Variants in PI4KA observed in about 807,000 individuals in gnomAD.
The protein encoded by PI4KA is PI4-kinase alpha.
Under a neutral mutation model 271.4 loss-of-function variants are expected in PI4KA, and 122 were observed. The ratio of observed to expected loss-of-function variants is 0.45; its 90% confidence interval spans 0.39 to 0.52. PI4KA has a LOEUF of 0.52. Among genes scored for constraint, PI4KA ranks in the 20% least tolerant of loss-of-function variants. The pLI is 0.00. For synonymous variants in PI4KA, 1,041 were observed against 1,078.8 expected, an observed-to-expected ratio of 0.96 and a Z score of 0.69; for missense variants, 1,969 against 2,769.1, an observed-to-expected ratio of 0.71 and a Z score of 6.48.
chr22:20,811,156 A>G, intron 8 of PI4KA, 124 bp from the exon 9 acceptor site: 1 of 744,258 alleles, frequency 1.3e-6, no homozygotes, highest in Non-Finnish European at 2.4e-6. Context: ...AAAGGCCAAT[A>G]AATACAAATT....
At chr22:20,726,003 T>C (rs1041556693) in intron 42 of PI4KA, among the ~76,000 whole-genome samples, 10 of 151,452 alleles carry the variant, frequency 6.6e-5, no homozygotes, top group African/African-American at 2.4e-4. Context: ...CCAGAATTCA[T>C]GTTTTTTGTT....
intron 18 of PI4KA, among the ~76,000 whole-genome samples, chr22:20,795,021 G>T (rs2147564931): frequency 6.6e-6 from 1 of 152,196 alleles, no homozygotes; most frequent in East Asian, 1.9e-4. Context: ...GCACAGAGTA[G>T]GTGAACAATA....
At chr22:20,825,898 A>G (rs1455142920) in intron 3 of PI4KA, among the ~76,000 whole-genome samples, 1 of 152,156 alleles carries the variant, frequency 6.6e-6, no homozygotes, top group Non-Finnish European at 1.5e-5. Flanking sequence ...TCCACTCTTA[A>G]GTAGGCCCCA....
chr22:20,718,589 T>C (rs772935566), intron 44 of PI4KA, 104 bp downstream of exon 44: 15 of 1,308,186 alleles, frequency 1.1e-5, no homozygotes, highest in East Asian at 2.4e-5. Flanking sequence ...ATTCATCTGG[T>C]TGGGGCCAGG....
intron 47 of PI4KA, among the ~76,000 whole-genome samples, chr22:20,713,908 G>GA (rs1183715104): frequency 2.0e-5 from 3 of 152,220 alleles, no homozygotes; most frequent in African/African-American, 7.2e-5. Context: ...GGTCTTTGCA[G>GA]ATGTAATTAG....
Position 20,858,678 on chromosome 22 carries a change from G to GCCGCCGCCGCCT in PI4KA, c.47_48insAGGCGGCGGCGG (p.Gly15_Gly18dup), listed in dbSNP as rs1927979997. On this transcript the variant is annotated inframe_insertion, in exon 1 of 55. Coordinates refer to ENST00000255882, the MANE Select transcript of PI4KA (RefSeq NM_058004.4). Reference sequence around the variant, plus strand: ...TGGAGCCGGAGCCGGAGCAGCCGCCGCCGCCTCCGCCTCCGCCTCCGCCTC... The same window carrying GCCGCCGCCGCCT: ...TGGAGCCGGAGCCGGAGCAGCCGCCGCCGCCGCCGCCTCCGCCTCCGCCTCCGCCTCCGCCTC... The GCCGCCGCCGCCT allele has an allele frequency of 2.7e-6, 4 of 1,470,792 alleles. No individual in the cohort carries two copies. In the African/African-American group the frequency reaches 6.1e-5, roughly 22 times the overall value. 91.1% of individuals were successfully genotyped at this position (1,470,792 alleles called of 1,614,324 possible).
chr22:20,755,163 G>A (rs1452675378), intron 23 of PI4KA, among the ~76,000 whole-genome samples: 1 of 152,008 alleles, frequency 6.6e-6, no homozygotes, highest in Non-Finnish European at 1.5e-5. Context: ...TTATTTATTC[G>A]GTAGTCTAAT....
chr22:20,728,354 A>T (rs142007915), intron 39 of PI4KA, among the ~76,000 whole-genome samples: 1,596 of 152,368 alleles, frequency 0.01, 16 homozygotes, highest in Middle Eastern at 0.017. Flanking sequence ...TTTTAAAAAG[A>T]GGATTATAAT....
Position 20,729,970 on chromosome 22 carries a change from A to G in PI4KA, c.4330T>C (p.Ser1444Pro). Residue 1444 changes from serine (S) to proline (P), a missense_variant, in exon 37 of 55, where the codon TCT becomes CCT. Coordinates refer to ENST00000255882, the MANE Select transcript of PI4KA (RefSeq NM_058004.4). Reference protein sequence around the residue: ...TRSNLDITVGSRQQATQGWIN... With the variant: ...TRSNLDITVGPRQQATQGWIN... ...CAGCCTTGGGTGGCTTGTTGCCGAGAGCCGACAGTTATGTCCAGGTTGCTC... is the reference window on the plus strand; with the variant it reads ...CAGCCTTGGGTGGCTTGTTGCCGAGGGCCGACAGTTATGTCCAGGTTGCTC... 1 of 1,614,192 alleles carries G rather than the reference A, an allele frequency of 6.2e-7. No individual in the cohort carries two copies. The highest frequency in any genetic ancestry group is 8.5e-7 in the Non-Finnish European group (1 of 1,180,036).
intron 8 of PI4KA, among the ~76,000 whole-genome samples, chr22:20,811,618 A>AAAC (rs1366749428): frequency 2.0e-5 from 3 of 151,828 alleles, no homozygotes; most frequent in South Asian, 2.1e-4. Context: ...AAAAAAAAAA[A>AAAC]AAAAACTGCC....
chr22:20,805,133 C>G lies in PI4KA; in HGVS notation c.1201G>C (p.Asp401His). ...LPTSFVKEIH[D>H]FVLEQFNTSQ... ...GTGTTGAACTGCTCCAGCACAAAAT[C>G]ATGGATCTCCTTCACAAAAGAGGTC... The change falls in exon 11 of 55, where the codon GAT becomes CAT. Residue 401 changes from aspartate (D) to histidine (H), a missense_variant. Coordinates refer to ENST00000255882, the MANE Select transcript of PI4KA (RefSeq NM_058004.4). 3 of 1,614,024 alleles carry G rather than the reference C, an allele frequency of 1.9e-6. No individual in the cohort carries two copies. Among genetic ancestry groups the G allele is most frequent in the Non-Finnish European group, 2.5e-6 (3 of 1,179,940 alleles).
chr22:20,803,362 G>T (rs1416077903), intron 12 of PI4KA, 42 bp from the exon 13 acceptor site: 1 of 1,612,452 alleles, frequency 6.2e-7, no homozygotes, highest in South Asian at 1.1e-5. Flanking sequence ...TGTGGTATGG[G>T]ACCATCTGAG....
intron 8 of PI4KA, among the ~76,000 whole-genome samples, chr22:20,812,106 ACAGT>A (rs1031959811): frequency 6.6e-6 from 1 of 152,146 alleles, no homozygotes; most frequent in Non-Finnish European, 1.5e-5. Context: ...AGGATGTGAA[ACAGT>A]CAGTCTTCAG....
chr22:20,843,995 C>T (rs1370032873), intron 1 of PI4KA, among the ~76,000 whole-genome samples: 1 of 152,188 alleles, frequency 6.6e-6, no homozygotes, highest in Non-Finnish European at 1.5e-5. Flanking sequence ...CCTATCTCCC[C>T]TATAAAAATT....
At chr22:20,727,145 C>T (rs1927449646) in intron 41 of PI4KA, 85 bp downstream of exon 41, 1 of 1,289,604 alleles carries the variant, frequency 7.8e-7, no homozygotes, top group East Asian at 2.5e-5. Context: ...ACCTCATGGC[C>T]AATGGTGGGG....
chr22:20,739,038 A>C (rs1273994111), intron 32 of PI4KA, among the ~76,000 whole-genome samples: 10 of 60,644 alleles, frequency 1.6e-4, no homozygotes, highest in Non-Finnish European at 3.1e-4. Context: ...ACTCAGTCAC[A>C]AAAAAAAAAA....
chr22:20,729,676 G>A lies in PI4KA; in HGVS notation c.4444C>T (p.His1482Tyr). 6.3e-7 allele frequency: 1 copy of A among 1,588,506 alleles called. No individual in the cohort carries two copies. The highest frequency in any genetic ancestry group is 8.6e-7 in the Non-Finnish European group (1 of 1,165,530). Residue 1482 changes from histidine (H) to tyrosine (Y), a missense_variant, in exon 38 of 55, where the codon CAC (histidine) becomes TAC (tyrosine). Coordinates refer to ENST00000255882, the MANE Select transcript of PI4KA (RefSeq NM_058004.4). ...GTCCTGCGCTTCATGTAGTATTTGTGCAGCTGGGAGCCCCGGTTGGTTTTC... is the reference window on the plus strand; with the variant it reads ...GTCCTGCGCTTCATGTAGTATTTGTACAGCTGGGAGCCCCGGTTGGTTTTC... Reference protein sequence around the residue: ...SKKTNRGSQLHKYYMKRRTLL... With the variant: ...SKKTNRGSQLYKYYMKRRTLL...
chr22:20,788,567 T>A (rs995283129), intron 19 of PI4KA, among the ~76,000 whole-genome samples: 1 of 152,234 alleles, frequency 6.6e-6, no homozygotes, highest in Non-Finnish European at 1.5e-5. Context: ...GCAGCCCTGC[T>A]TTCCCCTGCT....
intron 1 of PI4KA, among the ~76,000 whole-genome samples, chr22:20,854,612 A>G (rs186369776): frequency 6.6e-6 from 1 of 152,210 alleles, no homozygotes; most frequent in Non-Finnish European, 1.5e-5. Context: ...TGAGTTACCA[A>G]TGTCTGAGCT....
Sources: gnomAD v4.1 joint callset for allele counts (sites outside exome capture counted in the v4.1 genomes callset) on GRCh38, gnomAD v4.1.1 for gene constraint, MANE v1.5 for transcripts, NCBI Gene and HGNC (gene_info 2026-07-23, HGNC 2026-07-21) for gene names.